Variants in TPM1 observed in about 807,000 individuals in gnomAD.
The protein encoded by TPM1 is tropomyosin alpha-1 chain.
Under a neutral mutation model 42.9 loss-of-function variants are expected in TPM1, and 24 were observed. The observed-to-expected ratio is 0.56, with a 90% CI of 0.41 to 0.79. The LOEUF is 0.79. Ranked by LOEUF, TPM1 falls within the 30% of genes least tolerant of loss-of-function variation. The pLI is 0.00. For synonymous variants in TPM1, 136 were observed against 130.1 expected (o/e 1.05, Z -0.31); for missense variants, 158 against 351.8 (o/e 0.45, Z 4.41).
chr15:63,048,157 T>C (rs1461563562), intron 2 of TPM1: 2 of 445,664 alleles, frequency 4.5e-6, no homozygotes, highest in East Asian at 8.1e-5. Context: ...GCTATTGCCC[T>C]TAGCAGCCAG....
chr15:63,066,081 ACT>A lies in TPM1; in HGVS notation c.*183_*184del, dbSNP rs2036256473. On this transcript the variant is annotated 3_prime_UTR_variant, in exon 10 of 10. Coordinates refer to ENST00000403994, the MANE Select transcript of TPM1 (RefSeq NM_001018005.2). ...CTCTTCGTTTCAGTGTCAAATAAACACTGTGTAAGCTATTTCTGTTTGCTATT... is the reference window on the plus strand; with the variant it reads ...CTCTTCGTTTCAGTGTCAAATAAACAGTGTAAGCTATTTCTGTTTGCTATT... 1 of 1,529,532 alleles carries A rather than the reference ACT, an allele frequency of 6.5e-7. No individual in the cohort carries two copies. The highest frequency in any genetic ancestry group is 8.7e-7 in the Non-Finnish European group (1 of 1,143,930). The allele number at this position is 1,529,532 out of a possible 1,614,324, so 94.7% of individuals were successfully genotyped here. A position where few individuals can be genotyped will look rare whatever the true frequency, so the allele number is the denominator to read the frequency against.
chr15:63,049,026 GT>G (rs2033237484), intron 2 of TPM1: 2 of 364,062 alleles, frequency 5.5e-6, no homozygotes, highest in South Asian at 4.8e-5. Context: ...GTGTCTGTGC[GT>G]CCCCGGGAGG....
intron 2 of TPM1, 127 bp from the exon 3 acceptor site, chr15:63,056,858 C>A (rs1230927976): frequency 3.2e-6 from 4 of 1,237,356 alleles, no homozygotes; most frequent in Non-Finnish European, 3.6e-6. Flanking sequence ...GCTTGTAATG[C>A]ACTTAAAGGT....
At chr15:63,065,803 GTGCTCTCA>G in intron 9 of TPM1, 85 bp from the exon 10 acceptor site, 1 of 1,450,476 alleles carries the variant, frequency 6.9e-7, no homozygotes, top group Admixed American at 2.0e-5. Context: ...TGTGTTTCAA[GTGCTCTCA>G]TCTATTGGTT....
intron 1 of TPM1, chr15:63,043,636 G>A: frequency 6.5e-7 from 1 of 1,533,706 alleles, no homozygotes; most frequent in Non-Finnish European, 8.7e-7. Context: ...CCAACCCGAC[G>A]CCCGTGTGTT....
intron 5 of TPM1, 200 bp downstream of exon 5, chr15:63,061,139 G>A: frequency 6.4e-7 from 1 of 1,566,202 alleles, no homozygotes. Context: ...ATCACTGCAT[G>A]CCTTACCTGC....
chr15:63,070,649 C>T, downstream of TPM1: 4 of 1,001,852 alleles, frequency 4.0e-6, no homozygotes, highest in Non-Finnish European at 4.8e-6. Context: ...CTATTTATGT[C>T]ATCTTTGCTT....
chr15:63,065,545 T>G lies in TPM1; in HGVS notation c.852-351T>G, dbSNP rs1021172079. ...GTAAATGAGGGGGTGGAGCAGATCATCTGTCTCTAAGGTCTTTTTCAGTGC... is the reference window on the plus strand; with the variant it reads ...GTAAATGAGGGGGTGGAGCAGATCAGCTGTCTCTAAGGTCTTTTTCAGTGC... On this transcript the variant is annotated intron_variant, in intron 9 of 9. Coordinates refer to ENST00000403994, the MANE Select transcript of TPM1 (RefSeq NM_001018005.2). 5 of 985,078 alleles carry G rather than the reference T, an allele frequency of 5.1e-6. No homozygotes were observed. In the African/African-American group the frequency reaches 7.0e-5, roughly 14 times the overall value. The allele number at this position is 985,078 out of a possible 1,614,324, so 61.0% of individuals were successfully genotyped here.
At chr15:63,043,008 C>A in intron 1 of TPM1, 65 bp downstream of exon 1, 1 of 1,437,588 alleles carries the variant, frequency 7.0e-7, no homozygotes. Context: ...GCACCCCCGG[C>A]TGGATCCCCA....
intron 4 of TPM1, 92 bp downstream of exon 4, chr15:63,059,772 C>A: frequency 1.1e-6 from 1 of 898,126 alleles, no homozygotes; most frequent in Non-Finnish European, 1.8e-6. Flanking sequence ...CCGAGTGAGG[C>A]CATCTGCTTT....
At position 63,056,998 on chromosome 15, in the gene TPM1, T is replaced by C. The variant is rs2034911105; in HGVS notation, c.254T>C (p.Val85Ala). ...EKKATDAEAD[V>A]ASLNRRIQLV... ...CTCTCTACCTAGGCTGAAGCCGACG[T>C]AGCTTCTCTGAACAGACGCATCCAG... Residue 85 changes from valine to alanine, a missense_variant, in exon 3 of 10, where the codon GTA (valine) becomes GCA (alanine). By Grantham distance (64) the Val-to-Ala change is moderately conservative. This residue lies in a region of TPM1 where 65 missense variants were observed against 208.8 expected (regional missense o/e 0.31). Coordinates refer to ENST00000403994, the MANE Select transcript of TPM1 (RefSeq NM_001018005.2). The C allele has an allele frequency of 6.2e-7, 1 of 1,614,102 alleles. No homozygotes were observed. Among genetic ancestry groups the C allele is most frequent in the South Asian group, 1.1e-5 (1 of 91,090 alleles).
At chr15:63,067,115 A>C (rs996122924), downstream of TPM1, among the ~76,000 whole-genome samples, 17 of 149,482 alleles carry the variant, frequency 1.1e-4, no homozygotes, top group African/African-American at 3.9e-4. Context: ...TTTTTTTTTT[A>C]ACATGGATGA....
chr15:63,069,125 G>A (rs145718564), downstream of TPM1, among the ~76,000 whole-genome samples: 1,748 of 152,240 alleles, frequency 0.011, 13 homozygotes, highest in Middle Eastern at 0.048. Context: ...TGCACTCCAC[G>A]CTGGGGGACA....
In TPM1 at chr15:63,062,283, A is replaced by T; in HGVS notation, c.702+6A>T. On this transcript the variant is annotated splice_donor_region_variant and intron_variant, in intron 7 of 9. Transcript: ENST00000403994. ...TTTCCGACAAGCTGAAGGAGGTAAT[A>T]TGAGAGTTGTGGATGAAGCCAACTG... is the stretch of plus-strand genomic sequence containing the variant. 6.2e-7 allele frequency: 1 copy of T among 1,613,914 alleles called. No homozygotes were observed. The highest frequency in any genetic ancestry group is 8.5e-7 in the Non-Finnish European group (1 of 1,179,770).
chr15:63,042,779 G>T lies in TPM1; in HGVS notation c.-51G>T. On this transcript the variant is annotated 5_prime_UTR_variant, in exon 1 of 10. Coordinates refer to ENST00000403994, the MANE Select transcript of TPM1 (RefSeq NM_001018005.2). ...CTCCCGCTCCTCCGCCCGACCGCGC[G>T]CTCGCCCCGCCGCTCCTGCTGCAGC... The T allele has an allele frequency of 6.6e-7, 1 of 1,523,078 alleles. No homozygotes were observed. Among genetic ancestry groups the T allele is most frequent in the South Asian group, 1.1e-5 (1 of 87,990 alleles). 94.3% of individuals were successfully genotyped at this position (1,523,078 alleles called of 1,614,324 possible). A position where few individuals can be genotyped will look rare whatever the true frequency, so the allele number is the denominator to read the frequency against.
chr15:63,048,793 C>G (rs1199013915), intron 2 of TPM1: 1 of 1,364,792 alleles, frequency 7.3e-7, no homozygotes, highest in Non-Finnish European at 9.9e-7. Context: ...TCCCCCCCCG[C>G]AGGCCCCGGT....
At chr15:63,043,617 G>A in intron 1 of TPM1, 7 of 1,529,984 alleles carry the variant, frequency 4.6e-6, no homozygotes, top group Non-Finnish European at 6.1e-6. Flanking sequence ...CGAGCCCGAG[G>A]GGCCCCAGCC....
chr15:63,049,972 C>A (rs1335828133), intron 2 of TPM1, among the ~76,000 whole-genome samples: 3 of 152,116 alleles, frequency 2.0e-5, no homozygotes, highest in African/African-American at 7.2e-5. Flanking sequence ...AACTTTGGAC[C>A]CAGACTGTCA....
intron 9 of TPM1, chr15:63,064,614 A>G: frequency 9.7e-7 from 1 of 1,035,848 alleles, no homozygotes; most frequent in Non-Finnish European, 1.2e-6. Flanking sequence ...GGAAATTGGC[A>G]TGATCCAATA....
Sources: allele counts gnomAD v4.1 joint callset (sites outside exome capture counted in the v4.1 genomes callset), GRCh38; gene constraint gnomAD v4.1.1; regional missense constraint gnomAD v4.1.1; transcripts MANE v1.5; gene names NCBI Gene and HGNC (gene_info 2026-07-23, HGNC 2026-07-21).